Variants in CAST observed in about 807,000 individuals in gnomAD.
CAST encodes MIR583 host.
In CAST, 76 loss-of-function variants were observed where a neutral mutation model predicts 119.6. The ratio of observed to expected loss-of-function variants is 0.64; its 90% CI spans 0.53 to 0.77. The LOEUF is 0.77. CAST is among the 30% of genes least tolerant of loss of function. The probability of loss-of-function intolerance (pLI) is 0.00; values close to 1 mark genes in which losing one functional copy is unlikely to be tolerated. For missense variants in CAST, 953 were observed against 946.5 expected (o/e 1.01, Z -0.09); for synonymous variants, 319 against 331.6 (o/e 0.96, Z 0.41).
the CAST span, chr5:96,412,252 C>G: frequency 7.6e-7 from 1 of 1,313,556 alleles, no homozygotes; most frequent in Non-Finnish European, 1.1e-6. Context: ...CCTAAGTGTT[C>G]TTTCCTTCTC....
At chr5:96,359,404 G>T in the CAST span, among the ~76,000 whole-genome samples, 1 of 152,154 alleles carries the variant, frequency 6.6e-6, no homozygotes, top group African/African-American at 2.4e-5. Context: ...TTGCCCATTA[G>T]TTGATGCAGT....
the CAST span, among the ~76,000 whole-genome samples, chr5:96,086,782 C>G: frequency 6.6e-6 from 1 of 152,110 alleles, no homozygotes; most frequent in Admixed American, 6.5e-5. Context: ...CTTTTGAGAT[C>G]ACTTCTACAT....
upstream of CAST, among the ~76,000 whole-genome samples, chr5:96,658,094 A>G (rs1298402922): frequency 1.1e-4 from 17 of 151,730 alleles, no homozygotes; most frequent in Admixed American, 1.1e-3. Flanking sequence ...GCGAGAGTCC[A>G]TCTGAAAAAA....
At chr5:96,010,416 A>G in the CAST span, among the ~76,000 whole-genome samples, 4 of 152,128 alleles carry the variant, frequency 2.6e-5, no homozygotes, top group Non-Finnish European at 5.9e-5. Context: ...GGTTCAAGTG[A>G]TTCTTGTGCC....
chr5:96,311,091 C>T, the CAST span, among the ~76,000 whole-genome samples: 1 of 151,936 alleles, frequency 6.6e-6, no homozygotes, highest in African/African-American at 2.4e-5. Flanking sequence ...CTTACAACTG[C>T]TTTTGCTGCA....
chr5:96,323,372 T>C, the CAST span, among the ~76,000 whole-genome samples: 2 of 152,220 alleles, frequency 1.3e-5, no homozygotes, highest in African/African-American at 4.8e-5. Flanking sequence ...ACTGAGGGGA[T>C]TGAGCTTTGA....
the CAST span, among the ~76,000 whole-genome samples, chr5:96,088,622 G>A: frequency 6.6e-6 from 1 of 152,172 alleles, no homozygotes; most frequent in Non-Finnish European, 1.5e-5. Flanking sequence ...ATTCACTCTA[G>A]AAAGTTTTTA....
chr5:96,576,483 C>T (rs56791881), intron 1 of CAST, among the ~76,000 whole-genome samples: 9,704 of 151,616 alleles, frequency 0.064, 863 homozygotes, highest in East Asian at 0.31. Flanking sequence ...TAACTGGGGT[C>T]ACAAGCACAC....
chr5:96,621,475 G>T (rs1460235606), intron 1 of CAST, among the ~76,000 whole-genome samples: 2 of 152,206 alleles, frequency 1.3e-5, no homozygotes, highest in East Asian at 3.8e-4. Context: ...GAAACTTACA[G>T]TCATGGTGGA....
chr5:96,233,921 A>G, the CAST span, among the ~76,000 whole-genome samples: 1 of 151,990 alleles, frequency 6.6e-6, no homozygotes, highest in African/African-American at 2.4e-5. Flanking sequence ...GACGTTGTAG[A>G]TAAGATTTTT....
chr5:96,736,085 A>G lies in CAST; in HGVS notation c.631-87A>G, dbSNP rs115402752. 1.6e-4 allele frequency: 127 copies of G among 786,458 alleles called. No homozygotes were observed. The African/African-American group carries it at 2.1e-3, about 13-fold the overall frequency. The allele number at this position is 786,458 out of a possible 1,614,324, so 48.7% of individuals were successfully genotyped here. ...GTTCAGTGTATGATCAATGCTTGTT[A>G]ATATAATGAATTTATTTTAAAATTT... On this transcript the variant is annotated intron_variant, in intron 9 of 31. Coordinates refer to ENST00000675179, the MANE Select transcript of CAST (RefSeq NM_001750.7).
At chr5:96,371,312 T>C in the CAST span, among the ~76,000 whole-genome samples, 4 of 152,192 alleles carry the variant, frequency 2.6e-5, no homozygotes, top group African/African-American at 4.8e-5. Flanking sequence ...ACAGGGCTAG[T>C]CAATAAGCTC....
the CAST span, among the ~76,000 whole-genome samples, chr5:96,358,810 G>A: frequency 6.6e-6 from 1 of 152,142 alleles, no homozygotes; most frequent in Non-Finnish European, 1.5e-5. Context: ...ATATTCTGTT[G>A]ATCTGTAGTG....
upstream of CAST, chr5:96,662,221 CG>C (rs1467111253): frequency 1.8e-6 from 1 of 548,504 alleles, no homozygotes; most frequent in Non-Finnish European, 2.9e-6. Flanking sequence ...GGTCCCTCCG[CG>C]GGCAGGAAGG....
the CAST span, among the ~76,000 whole-genome samples, chr5:96,192,942 G>A: frequency 1.5e-5 from 1 of 65,558 alleles, no homozygotes; most frequent in African/African-American, 6.3e-5. Context: ...AAGCCACTGA[G>A]ATTTTTAGGG....
At chr5:96,729,957 T>C (rs1371743184) in intron 8 of CAST, among the ~76,000 whole-genome samples, 1 of 152,218 alleles carries the variant, frequency 6.6e-6, no homozygotes, top group African/African-American at 2.4e-5. Flanking sequence ...GCGCTGTCCG[T>C]CCTTCTCCTA....
the CAST span, among the ~76,000 whole-genome samples, chr5:96,027,674 A>C: frequency 6.6e-6 from 1 of 152,186 alleles, no homozygotes; most frequent in Non-Finnish European, 1.5e-5. Context: ...TTATTTAATG[A>C]AGATTTAACT....
chr5:96,340,349 A>T, the CAST span, among the ~76,000 whole-genome samples: 1 of 151,824 alleles, frequency 6.6e-6, no homozygotes, highest in Non-Finnish European at 1.5e-5. Context: ...TTCTGCCCTC[A>T]ACCCCCACTC....
At chr5:96,667,563 C>T (rs1749499176) in intron 1 of CAST, among the ~76,000 whole-genome samples, 1 of 152,132 alleles carries the variant, frequency 6.6e-6, no homozygotes, top group Non-Finnish European at 1.5e-5. Context: ...CACAAAGGGC[C>T]TGTACCTTTA....
Sources: gnomAD v4.1 joint callset for allele counts (sites outside exome capture counted in the v4.1 genomes callset) on GRCh38, gnomAD v4.1.1 for gene constraint, MANE v1.5 for transcripts, NCBI Gene and HGNC (gene_info 2026-07-23, HGNC 2026-07-21) for gene names.